The following KDM4C variants were observed in gnomAD, a reference collection of about 807,000 sequenced individuals.
KDM4C encodes lysine-specific demethylase 4C.
A neutral mutation model predicts 129.3 loss-of-function variants in KDM4C; 81 were observed. The observed-to-expected ratio is 0.63, with a 90% CI of 0.52 to 0.75. The LOEUF is 0.75. KDM4C is among the 30% of genes least tolerant of loss of function. The probability of loss-of-function intolerance (pLI) is 0.00; values close to 1 mark genes in which losing one functional copy is unlikely to be tolerated. For synonymous variants in KDM4C, 573 were observed against 456.1 expected, an observed-to-expected ratio of 1.26 and a Z score of -3.26; for missense variants, 1,457 against 1,304.0, an observed-to-expected ratio of 1.12 and a Z score of -1.81.
At chr9:6,878,831 A>T (rs1233810940) in intron 5 of KDM4C, among the ~76,000 whole-genome samples, 4 of 150,842 alleles carry the variant, frequency 2.7e-5, no homozygotes, top group African/African-American at 9.9e-5. Flanking sequence ...CCACACCCAC[A>T]CCCCTTTTCT....
intron 17 of KDM4C, among the ~76,000 whole-genome samples, chr9:7,079,697 G>T (rs947684698): frequency 6.6e-6 from 1 of 152,114 alleles, no homozygotes. Flanking sequence ...CTGCATAGTC[G>T]AATTCTGTGA....
intron 1 of KDM4C, among the ~76,000 whole-genome samples, chr9:6,783,532 C>G (rs1194271659): frequency 6.6e-6 from 1 of 152,048 alleles, no homozygotes; most frequent in Non-Finnish European, 1.5e-5. Flanking sequence ...GATGAAATCT[C>G]CCATAGTGTC....
At chr9:6,930,976 A>G (rs989506086) in intron 8 of KDM4C, among the ~76,000 whole-genome samples, 2 of 152,130 alleles carry the variant, frequency 1.3e-5, no homozygotes, top group Non-Finnish European at 2.9e-5. Flanking sequence ...CTCTGAGTAC[A>G]TGCTGAAATA....
intron 2 of KDM4C, among the ~76,000 whole-genome samples, chr9:6,802,203 A>C (rs1829127160): frequency 6.6e-6 from 1 of 152,196 alleles, no homozygotes; most frequent in African/African-American, 2.4e-5. Context: ...TTCACACTTG[A>C]GTACCATTGT....
At chr9:6,764,166 CAG>C (rs1420517123) in intron 1 of KDM4C, among the ~76,000 whole-genome samples, 2 of 152,272 alleles carry the variant, frequency 1.3e-5, no homozygotes, top group East Asian at 3.9e-4. Flanking sequence ...TTGTATTACT[CAG>C]AGATTTCTAG....
intron 3 of KDM4C, among the ~76,000 whole-genome samples, chr9:6,807,989 T>G (rs1441845539): frequency 1.7e-4 from 7 of 41,392 alleles, no homozygotes; most frequent in African/African-American, 4.0e-4. Flanking sequence ...GGGAGGGAGG[T>G]GGGGGGGGTC....
intron 18 of KDM4C, among the ~76,000 whole-genome samples, chr9:7,121,745 T>G (rs945043413): frequency 2.0e-5 from 3 of 152,028 alleles, no homozygotes; most frequent in Non-Finnish European, 4.4e-5. Flanking sequence ...TAAGTAAATC[T>G]TAAATGGGAA....
chr9:7,049,302 CTTTCT>C (rs1439942670), intron 17 of KDM4C, 102 bp downstream of exon 17: 10 of 534,026 alleles, frequency 1.9e-5, no homozygotes, highest in Non-Finnish European at 3.3e-5. Context: ...TTTCTCCTAG[CTTTCT>C]TTTATTTTTC....
chr9:6,970,494 G>T (rs1831776037), intron 8 of KDM4C, among the ~76,000 whole-genome samples: 1 of 152,296 alleles, frequency 6.6e-6, no homozygotes, highest in Admixed American at 6.5e-5. Flanking sequence ...TTTAATATTT[G>T]ATTAAAGTGC....
intron 20 of KDM4C, among the ~76,000 whole-genome samples, 196 bp from the exon 21 acceptor site, chr9:7,169,602 G>A (rs771446880): frequency 1.3e-5 from 2 of 152,198 alleles, no homozygotes; most frequent in Non-Finnish European, 2.9e-5. Flanking sequence ...AAAGTGCTGG[G>A]ATTACAGGCG....
chr9:7,129,941 G>A (rs1840435785), intron 19 of KDM4C, among the ~76,000 whole-genome samples: 1 of 152,142 alleles, frequency 6.6e-6, no homozygotes, highest in Non-Finnish European at 1.5e-5. Context: ...AGAAGTTTCA[G>A]AAACAGTATT....
At chr9:7,023,160 T>G (rs1825186945) in intron 15 of KDM4C, among the ~76,000 whole-genome samples, 1 of 152,146 alleles carries the variant, frequency 6.6e-6, no homozygotes, top group South Asian at 2.1e-4. Context: ...CCTCACGGAG[T>G]GAGCTTGGAA....
At chr9:7,118,333 G>A (rs1471289553) in intron 18 of KDM4C, among the ~76,000 whole-genome samples, 1 of 152,204 alleles carries the variant, frequency 6.6e-6, no homozygotes, top group Non-Finnish European at 1.5e-5. Flanking sequence ...TGAGTCATAT[G>A]TGTATTTGTG....
At chr9:7,142,873 G>GTA (rs1841889306) in intron 19 of KDM4C, among the ~76,000 whole-genome samples, 1 of 152,034 alleles carries the variant, frequency 6.6e-6, no homozygotes, top group Non-Finnish European at 1.5e-5. Context: ...GTGTGTGTGT[G>GTA]TACACACAAT....
At chr9:7,011,017 C>G (rs776729693) in intron 12 of KDM4C, among the ~76,000 whole-genome samples, 2 of 151,914 alleles carry the variant, frequency 1.3e-5, no homozygotes, top group Non-Finnish European at 2.9e-5. Context: ...GTACTCCAGC[C>G]TGGGCACGAA....
At chr9:6,921,172 T>A (rs1016755839) in intron 8 of KDM4C, among the ~76,000 whole-genome samples, 2 of 152,218 alleles carry the variant, frequency 1.3e-5, no homozygotes, top group African/African-American at 4.8e-5. Flanking sequence ...TTTTCTTGTC[T>A]ACACGAATTA....
intron 17 of KDM4C, among the ~76,000 whole-genome samples, chr9:7,059,599 G>A (rs1259782567): frequency 6.6e-6 from 1 of 152,116 alleles, no homozygotes; most frequent in African/African-American, 2.4e-5. Context: ...ATCTGGAAAG[G>A]TTATTAAAAT....
In KDM4C at chr9:6,748,359, TAGCCAGG is replaced by T. The variant is rs1453367938; in HGVS notation, c.49+27365_49+27371del. ...CCTGTCTCTACTAAAAATACAAAATTAGCCAGGAGTGGTGGCACATGCCTGTAATCTC... is the reference window on the plus strand; with the variant it reads ...CCTGTCTCTACTAAAAATACAAAATTAGTGGTGGCACATGCCTGTAATCTC... On this transcript the variant is annotated intron_variant, in intron 1 of 17. Coordinates refer to the KDM4C transcript ENST00000536108. 8.3e-4 allele frequency among the ~76,000 whole-genome samples: 126 copies of T among 151,526 alleles called. 1 individual carries two copies. The highest frequency in any genetic ancestry group is 2.5e-4 in the Non-Finnish European group (17 of 67,902).
chr9:6,834,250 G>T (rs1237458758), intron 4 of KDM4C, among the ~76,000 whole-genome samples: 3 of 152,074 alleles, frequency 2.0e-5, no homozygotes, highest in Non-Finnish European at 4.4e-5. Context: ...TGCCCAGGCT[G>T]ATTTCGGAAC....
Sources: allele counts gnomAD v4.1 joint callset (sites outside exome capture counted in the v4.1 genomes callset), GRCh38; gene constraint gnomAD v4.1.1; transcripts MANE v1.5; gene names NCBI Gene and HGNC (gene_info 2026-07-23, HGNC 2026-07-21).